CSE1L: variants seen among roughly 807,000 people sequenced by gnomAD.
CSE1L encodes the protein exportin-2.
A neutral mutation model predicts 120.4 loss-of-function variants in CSE1L; 24 were observed. The observed-to-expected ratio is 0.20, with a 90% CI of 0.14 to 0.28. The LOEUF (loss-of-function observed/expected upper bound fraction) is 0.28. Among genes scored for constraint, CSE1L ranks in the 10% least tolerant of loss-of-function variants. The probability of loss-of-function intolerance (pLI) is 1.00; values close to 1 mark genes in which losing one functional copy is unlikely to be tolerated. For missense variants in CSE1L, 830 were observed against 1,145.2 expected (o/e 0.72, Z 3.97); for synonymous variants, 402 against 398.3 (o/e 1.01, Z -0.11).
chr20:49,048,112 C>T (rs949586422), intron 1 of CSE1L, among the ~76,000 whole-genome samples: 2 of 150,274 alleles, frequency 1.3e-5, no homozygotes, highest in Non-Finnish European at 3.0e-5. Flanking sequence ...CCCACATAGT[C>T]ATATCTTTGG....
chr20:49,057,583 G>A (rs1448083229), intron 1 of CSE1L, among the ~76,000 whole-genome samples: 6 of 151,446 alleles, frequency 4.0e-5, no homozygotes, highest in Non-Finnish European at 7.4e-5. Flanking sequence ...CTTCCGAGTA[G>A]CTGGGACTGA....
At chr20:49,069,522 A>G (rs1448331458) in intron 7 of CSE1L, among the ~76,000 whole-genome samples, 3 of 152,202 alleles carry the variant, frequency 2.0e-5, no homozygotes, top group Non-Finnish European at 4.4e-5. Flanking sequence ...ACATGAATAA[A>G]CTCATAGTGG....
intron 1 of CSE1L, among the ~76,000 whole-genome samples, chr20:49,049,084 G>A (rs1032008079): frequency 8.5e-5 from 13 of 152,186 alleles, no homozygotes; most frequent in African/African-American, 2.9e-4. Context: ...AAATTTAGAT[G>A]TCTGCCATAA....
chr20:49,065,982 T>G (rs1199501766), intron 3 of CSE1L, among the ~76,000 whole-genome samples: 1 of 152,180 alleles, frequency 6.6e-6, no homozygotes, highest in Non-Finnish European at 1.5e-5. Flanking sequence ...GCAATGTACG[T>G]TTTTCTGGGA....
intron 17 of CSE1L, 66 bp from the exon 18 acceptor site, chr20:49,089,181 A>T: frequency 7.8e-7 from 1 of 1,289,472 alleles, no homozygotes; most frequent in Non-Finnish European, 1.0e-6. Context: ...CCTCTATTTT[A>T]AATGTGTTTT....
intron 1 of CSE1L, among the ~76,000 whole-genome samples, chr20:49,049,020 T>C (rs1237806117): frequency 6.6e-6 from 1 of 152,230 alleles, no homozygotes; most frequent in African/African-American, 2.4e-5. Flanking sequence ...ATTGAGGGCC[T>C]GTGGGAAGAT....
intron 12 of CSE1L, 25 bp from the exon 13 acceptor site, chr20:49,076,955 A>ATTTTG: frequency 6.7e-7 from 1 of 1,483,828 alleles, no homozygotes; most frequent in Non-Finnish European, 9.2e-7. Context: ...TTGTTATTTT[A>ATTTTG]CTATGTTATG....
At chr20:49,049,036 A>T (rs1319237248) in intron 1 of CSE1L, among the ~76,000 whole-genome samples, 1 of 152,200 alleles carries the variant, frequency 6.6e-6, no homozygotes, top group Non-Finnish European at 1.5e-5. Flanking sequence ...AAGATGCTAG[A>T]CTTAGGTCTG....
intron 14 of CSE1L, among the ~76,000 whole-genome samples, chr20:49,079,412 G>C (rs182228078): frequency 6.7e-6 from 1 of 149,578 alleles, no homozygotes; most frequent in Non-Finnish European, 1.5e-5. Context: ...ATTTTTAGTA[G>C]TGATGGGGTT....
At chr20:49,064,105 G>A (rs1041431792) in intron 3 of CSE1L, among the ~76,000 whole-genome samples, 2 of 152,156 alleles carry the variant, frequency 1.3e-5, no homozygotes, top group African/African-American at 4.8e-5. Context: ...AGTGGGTAGA[G>A]GCCAGAGATG....
At chr20:49,082,202 T>C (rs754477532) in intron 14 of CSE1L, among the ~76,000 whole-genome samples, 2 of 152,044 alleles carry the variant, frequency 1.3e-5, no homozygotes, top group South Asian at 4.2e-4. Flanking sequence ...TAGTATGCTG[T>C]AGGTTTTAAT....
chr20:49,089,194 A>C (rs2092082599), intron 17 of CSE1L, 53 bp from the exon 18 acceptor site: 1 of 1,382,764 alleles, frequency 7.2e-7, no homozygotes, highest in African/African-American at 1.5e-5. Flanking sequence ...TGTGTTTTAT[A>C]AAGGTTAGGT....
chr20:49,054,639 C>T (rs147190450), intron 1 of CSE1L, among the ~76,000 whole-genome samples: 528 of 152,272 alleles, frequency 3.5e-3, no homozygotes, highest in Middle Eastern at 0.014. Flanking sequence ...CATCTAGCAT[C>T]GTGTGCCTGG....
At chr20:49,054,545 A>G (rs1422270964) in intron 1 of CSE1L, among the ~76,000 whole-genome samples, 4 of 152,154 alleles carry the variant, frequency 2.6e-5, no homozygotes, top group Admixed American at 6.6e-5. Context: ...TATTAACCAT[A>G]TATAGTTAAT....
At chr20:49,071,798 TAA>T (rs879530890) in intron 8 of CSE1L, among the ~76,000 whole-genome samples, 1 of 144,156 alleles carries the variant, frequency 6.9e-6, no homozygotes, top group Non-Finnish European at 1.5e-5. Flanking sequence ...CCGTCTCTAC[TAA>T]AAAAAAAAAA....
At chr20:49,087,918 A>T in intron 16 of CSE1L, 91 bp from the exon 17 acceptor site, 1 of 758,918 alleles carries the variant, frequency 1.3e-6, no homozygotes, top group Non-Finnish European at 2.1e-6. Flanking sequence ...AATTTAGTTG[A>T]TGAATTAGTG....
intron 10 of CSE1L, 125 bp from the exon 11 acceptor site, chr20:49,074,660 T>TCC: frequency 1.6e-6 from 1 of 626,274 alleles, no homozygotes; most frequent in Non-Finnish European, 2.7e-6. Context: ...TATGAAGTAG[T>TCC]CATCTGATGG....
At chr20:49,077,175 T>TTC in intron 13 of CSE1L, 111 bp downstream of exon 13, 1 of 624,628 alleles carries the variant, frequency 1.6e-6, no homozygotes, top group Non-Finnish European at 2.7e-6. Context: ...TTTTTTTTCT[T>TTC]TTGAGATGGT....
intron 6 of CSE1L, 34 bp from the exon 7 acceptor site, chr20:49,068,681 G>A: frequency 7.5e-7 from 1 of 1,340,748 alleles, no homozygotes; most frequent in South Asian, 1.2e-5. Flanking sequence ...GGTTTATGAT[G>A]CACTAAAACC....
Sources: gnomAD v4.1 joint callset for allele counts (sites outside exome capture counted in the v4.1 genomes callset) on GRCh38, gnomAD v4.1.1 for gene constraint, MANE v1.5 for transcripts, NCBI Gene and HGNC (gene_info 2026-07-23, HGNC 2026-07-21) for gene names.